The following DOCK1 variants were observed in gnomAD, a reference collection of about 807,000 sequenced individuals.
The protein encoded by DOCK1 is dedicator of cytokinesis protein 1.
Under a neutral mutation model 262.7 loss-of-function variants are expected in DOCK1, and 138 were observed. The ratio of observed to expected loss-of-function variants is 0.53; its 90% CI spans 0.46 to 0.61. DOCK1 has a LOEUF of 0.61. DOCK1 is among the 20% of genes least tolerant of loss of function. DOCK1 has a pLI of 0.00. For synonymous variants in DOCK1, 866 were observed against 867.4 expected (o/e 1.00, Z 0.03); for missense variants, 1,908 against 2,370.7 (o/e 0.80, Z 4.05).
intron 5 of DOCK1, 124 bp from the exon 6 acceptor site, chr10:126,990,331 A>G: frequency 2.0e-6 from 2 of 1,004,796 alleles, no homozygotes; most frequent in South Asian, 2.7e-5. Context: ...TTAATTCAAC[A>G]TTAACTAAAT....
chr10:127,222,621 TTTTTG>T (rs1188870865), intron 27 of DOCK1, among the ~76,000 whole-genome samples: 10 of 138,094 alleles, frequency 7.2e-5, no homozygotes, highest in African/African-American at 1.6e-4. Flanking sequence ...TCCTCCTGTG[TTTTTG>T]TTTTGTGTTG....
chr10:126,951,336 T>G (rs1257507647), intron 1 of DOCK1, among the ~76,000 whole-genome samples: 3 of 151,740 alleles, frequency 2.0e-5, no homozygotes, highest in Non-Finnish European at 4.4e-5. Flanking sequence ...TTGGTGATAG[T>G]GGTGATGGTA....
intron 25 of DOCK1, among the ~76,000 whole-genome samples, chr10:127,119,137 A>G (rs7896015): frequency 0.17 from 25,223 of 150,952 alleles, 2,558 homozygotes; most frequent in African/African-American, 0.29. Context: ...TCCGTCTCCC[A>G]GGTTCACGCC....
chr10:127,079,399 A>G (rs1473128951), intron 23 of DOCK1, among the ~76,000 whole-genome samples: 3 of 152,198 alleles, frequency 2.0e-5, no homozygotes. Flanking sequence ...CTCTCTCCAA[A>G]CAAAGTGGTT....
chr10:127,050,751 TA>T (rs1320629122), intron 21 of DOCK1, among the ~76,000 whole-genome samples: 2 of 152,140 alleles, frequency 1.3e-5, no homozygotes, highest in African/African-American at 2.4e-5. Context: ...ACAGCAGTGT[TA>T]TGATACCCCA....
In DOCK1 at chr10:127,218,708, CAAAGT is replaced by C. The variant is rs796940496; in HGVS notation, c.2848-29296_2848-29292del. 1.5e-4 allele frequency among the ~76,000 whole-genome samples: 23 copies of C among 152,254 alleles called. 1 individual carries two copies. Among genetic ancestry groups the C allele is most frequent in the African/African-American group, 5.1e-4 (21 of 41,552 alleles). Reference sequence around the variant, plus strand: ...CCACTTTCTGTTGTTATTTCCCAATCAAAGTAAAACCAGTATTAAGGTCTGTCTTA... The same window carrying C: ...CCACTTTCTGTTGTTATTTCCCAATCAAAACCAGTATTAAGGTCTGTCTTA... On this transcript the variant is annotated intron_variant, in intron 27 of 51. Transcript: ENST00000623213.
At chr10:126,910,309 T>A (rs982404584) in intron 1 of DOCK1, among the ~76,000 whole-genome samples, 1 of 152,170 alleles carries the variant, frequency 6.6e-6, no homozygotes, top group East Asian at 2.0e-4. Context: ...ATTGTCTTAG[T>A]GTGTGTCAAT....
At chr10:127,159,202 T>G (rs894924925) in intron 27 of DOCK1, among the ~76,000 whole-genome samples, 3 of 152,374 alleles carry the variant, frequency 2.0e-5, no homozygotes, top group Admixed American at 2.0e-4. Flanking sequence ...TTGAGTCATT[T>G]ACATTTCTGT....
intron 35 of DOCK1, among the ~76,000 whole-genome samples, chr10:127,377,867 G>A (rs1381901565): frequency 2.0e-5 from 3 of 149,598 alleles, no homozygotes; most frequent in Middle Eastern, 3.2e-3. Flanking sequence ...ACTCCAGCCT[G>A]GGCAACAGAG....
At chr10:127,400,717 G>A (rs1018528604) in intron 38 of DOCK1, among the ~76,000 whole-genome samples, 4 of 128,876 alleles carry the variant, frequency 3.1e-5, no homozygotes, top group African/African-American at 1.0e-4. Flanking sequence ...AATCACCTTT[G>A]CAAAAAAAAT....
intron 22 of DOCK1, among the ~76,000 whole-genome samples, chr10:127,058,788 A>G (rs2045343777): frequency 6.6e-6 from 1 of 152,136 alleles, no homozygotes; most frequent in African/African-American, 2.4e-5. Context: ...GGCCAGAAAA[A>G]TAGCACGCTG....
chr10:126,952,100 G>A (rs1020582800), intron 1 of DOCK1, among the ~76,000 whole-genome samples: 5 of 151,916 alleles, frequency 3.3e-5, no homozygotes, highest in African/African-American at 4.8e-5. Flanking sequence ...CGCCCACCTC[G>A]GCCTCCCAGA....
In DOCK1 at chr10:127,354,607, C is replaced by G. The variant is rs374124791; in HGVS notation, c.3225-62C>G. On this transcript the variant is annotated intron_variant, in intron 31 of 51. Coordinates refer to ENST00000623213, the MANE Select transcript of DOCK1 (RefSeq NM_001290223.2). ...GCTTTAATTGCACTTAAAAATAATT[C>G]CAGTCCGATTTTCAAATGCCTTCCG... is the stretch of plus-strand genomic sequence containing the variant. 5 of 1,598,542 alleles carry G rather than the reference C, an allele frequency of 3.1e-6. No individual in the cohort carries two copies. In the African/African-American group the frequency reaches 6.7e-5, roughly 21 times the overall value.
chr10:126,929,232 C>G (rs2034001443), intron 1 of DOCK1, among the ~76,000 whole-genome samples: 1 of 152,196 alleles, frequency 6.6e-6, no homozygotes, highest in Non-Finnish European at 1.5e-5. Flanking sequence ...ACCATTTTCC[C>G]CAGATTGCTG....
At chr10:126,967,459 T>C (rs2037756776) in intron 1 of DOCK1, among the ~76,000 whole-genome samples, 1 of 152,166 alleles carries the variant, frequency 6.6e-6, no homozygotes, top group African/African-American at 2.4e-5. Flanking sequence ...AGTCAATCAG[T>C]GAACCACAAA....
intron 27 of DOCK1, among the ~76,000 whole-genome samples, chr10:127,149,316 C>T (rs946993142): frequency 4.6e-5 from 7 of 152,182 alleles, no homozygotes; most frequent in African/African-American, 1.4e-4. Context: ...CAGGCTCTCA[C>T]GGGCTGATGT....
At chr10:127,397,492 A>G (rs55962232) in intron 38 of DOCK1, among the ~76,000 whole-genome samples, 81 of 136,560 alleles carry the variant, frequency 5.9e-4, no homozygotes, top group Admixed American at 1.1e-3. Context: ...TTACACGGGC[A>G]GCAACTCCTA....
At chr10:126,920,174 T>A (rs949053957) in intron 1 of DOCK1, among the ~76,000 whole-genome samples, 3 of 152,216 alleles carry the variant, frequency 2.0e-5, no homozygotes, top group African/African-American at 7.2e-5. Flanking sequence ...GCAAGTCAGT[T>A]ACACGACTCT....
At chr10:127,418,683 C>G in intron 45 of DOCK1, 142 bp downstream of exon 45, 1 of 1,117,360 alleles carries the variant, frequency 8.9e-7, no homozygotes, top group Admixed American at 3.1e-5. Context: ...CAGGCAGCAG[C>G]AGCCAGTGGC....
Sources: gnomAD v4.1 joint callset for allele counts (sites outside exome capture counted in the v4.1 genomes callset) on GRCh38, gnomAD v4.1.1 for gene constraint, MANE v1.5 for transcripts, NCBI Gene and HGNC (gene_info 2026-07-23, HGNC 2026-07-21) for gene names.